Variants in CHIC1 observed in about 807,000 individuals in gnomAD.
CHIC1 encodes cysteine-rich hydrophobic domain-containing protein 1.
A neutral mutation model predicts 18.5 loss-of-function variants in CHIC1; 7 were observed. That is an observed-to-expected ratio of 0.38 (90% CI 0.22 to 0.71). The LOEUF is 0.71. CHIC1 is among the 30% of genes least tolerant of loss of function. The pLI, the probability that CHIC1 is intolerant of heterozygous loss-of-function variation, is 0.49. For synonymous variants in CHIC1, 77 were observed against 73.5 expected (o/e 1.05, Z -0.25); for missense variants, 159 against 176.9 (o/e 0.90, Z 0.57).
At chrX:73,676,985 G>A (rs1269393988) in intron 3 of CHIC1, among the ~76,000 whole-genome samples, 1 of 111,914 alleles carries the variant, frequency 8.9e-6, no homozygotes, top group African/African-American at 3.3e-5. Context: ...GTTGGAGTTT[G>A]CTAGAGTTCC....
intron 3 of CHIC1, among the ~76,000 whole-genome samples, chrX:73,615,574 A>G (rs2057728760): frequency 9.0e-6 from 1 of 111,480 alleles, no homozygotes; most frequent in Admixed American, 9.5e-5. Flanking sequence ...GCCTGACCAT[A>G]GCCTCCTAGG....
chrX:73,674,099 C>T (rs1021313861), intron 3 of CHIC1, among the ~76,000 whole-genome samples: 4 of 111,669 alleles, frequency 3.6e-5, no homozygotes, highest in African/African-American at 1.3e-4. Flanking sequence ...GGGAAGAAGC[C>T]GACTTGATCA....
chrX:73,621,993 T>C (rs1277249142), intron 3 of CHIC1, among the ~76,000 whole-genome samples: 7 of 111,819 alleles, frequency 6.3e-5, no homozygotes, highest in Admixed American at 1.9e-4. Flanking sequence ...TGTGATGGAT[T>C]ACATTTTTTG....
chrX:73,673,755 A>G (rs1481508161), intron 3 of CHIC1, among the ~76,000 whole-genome samples: 7 of 110,999 alleles, frequency 6.3e-5, no homozygotes, highest in South Asian at 3.8e-4. Flanking sequence ...TCTCCTGACT[A>G]ATTGCCCTGG....
Position 73,671,922 on chromosome X carries a change from C to A in CHIC1, c.508-7404C>A, listed in dbSNP as rs946730810. 8.1e-5 allele frequency among the ~76,000 whole-genome samples: 9 copies of A among 110,556 alleles called. No individual in the cohort carries two copies. In the South Asian group the frequency reaches 1.2e-3, roughly 14 times the overall value. ...TCTCCTAATGCTATCCCTCCCCGCT[C>A]CCACACCCCACAACAGTCCCCGGTG... On this transcript the variant is annotated intron_variant, in intron 3 of 5. Coordinates refer to ENST00000373502, the MANE Select transcript of CHIC1 (RefSeq NM_001039840.4).
intron 3 of CHIC1, among the ~76,000 whole-genome samples, chrX:73,644,547 C>T (rs2057877884): frequency 8.9e-6 from 1 of 112,559 alleles, no homozygotes; most frequent in East Asian, 2.8e-4. Context: ...TTCAAGCTTC[C>T]CGGCTGCTTT....
chrX:73,681,026 C>G lies in CHIC1; in HGVS notation c.*21C>G, dbSNP rs761499501. 1 of 1,019,178 alleles carries G rather than the reference C, an allele frequency of 9.8e-7. No individual in the cohort carries two copies. The highest frequency in any genetic ancestry group is 3.4e-5 in the East Asian group (1 of 29,042). 84.0% of individuals were successfully genotyped at this position (1,019,178 alleles called of 1,213,427 possible). On this transcript the variant is annotated 3_prime_UTR_variant, in exon 6 of 6. Coordinates refer to ENST00000373502, the MANE Select transcript of CHIC1 (RefSeq NM_001039840.4). ...ACTGAGGAGTTTTATCCAGTCACTT[C>G]TGTGTTACCTGTCATTTCCTACCCT...
At chrX:73,564,791 G>GTTTTT (rs370930878) in intron 1 of CHIC1, among the ~76,000 whole-genome samples, 32 of 58,358 alleles carry the variant, frequency 5.5e-4, no homozygotes, top group East Asian at 7.5e-4. Flanking sequence ...AACATGTTGA[G>GTTTTT]TTTTTTTTTT....
chrX:73,567,617 A>G (rs1416800078), intron 1 of CHIC1, among the ~76,000 whole-genome samples: 2 of 111,131 alleles, frequency 1.8e-5, no homozygotes, highest in Non-Finnish European at 3.8e-5. Context: ...AGATTAAGAC[A>G]CAAAAAGTAC....
chrX:73,679,636 A>G lies in CHIC1; in HGVS notation c.565-18A>G. On this transcript the variant is annotated intron_variant, in intron 4 of 5. Coordinates refer to ENST00000373502, the MANE Select transcript of CHIC1 (RefSeq NM_001039840.4). ...TTAAGTTAATATAAAAATTCTTAAC[A>G]AGACTATACTTTCTTAGCTTGCTTT... 9.4e-7 allele frequency: 1 copy of G among 1,066,425 alleles called. No homozygotes were observed. Among genetic ancestry groups the G allele is most frequent in the Non-Finnish European group, 1.2e-6 (1 of 804,024 alleles). 87.9% of individuals were successfully genotyped at this position (1,066,425 alleles called of 1,213,427 possible).
chrX:73,622,990 C>T (rs746114028), intron 3 of CHIC1, among the ~76,000 whole-genome samples: 4 of 111,664 alleles, frequency 3.6e-5, no homozygotes, highest in South Asian at 3.7e-4. Context: ...CAAGTAGTTA[C>T]GTGGTTTTGA....
chrX:73,588,338 T>C (rs918595649), intron 3 of CHIC1, among the ~76,000 whole-genome samples: 6 of 111,302 alleles, frequency 5.4e-5, no homozygotes, highest in Middle Eastern at 4.7e-3. Flanking sequence ...GTTTGCATTT[T>C]TGAACATTTT....
chrX:73,640,222 T>C (rs978945050), intron 3 of CHIC1, among the ~76,000 whole-genome samples: 4 of 111,935 alleles, frequency 3.6e-5, no homozygotes, highest in Admixed American at 9.5e-5. Context: ...GCCTAGTTTA[T>C]TGAGGGTTTT....
At position 73,651,938 on chromosome X, in the gene CHIC1, C is replaced by G. The variant is rs755898337; in HGVS notation, c.508-27388C>G. 3.8e-4 allele frequency among the ~76,000 whole-genome samples: 42 copies of G among 111,928 alleles called. 1 individual carries two copies. Among genetic ancestry groups the G allele is most frequent in the Non-Finnish European group, 5.6e-5 (3 of 53,204 alleles). On this transcript the variant is annotated intron_variant, in intron 3 of 5. Coordinates refer to ENST00000373502, the MANE Select transcript of CHIC1 (RefSeq NM_001039840.4). ...AAGAGTGCATATAGCCAAGACAGTT[C>G]TAAGCAAAAAGAACAAAGCTGGAGG...
chrX:73,644,689 G>T (rs927950335), intron 3 of CHIC1, among the ~76,000 whole-genome samples: 3 of 112,823 alleles, frequency 2.7e-5, no homozygotes, highest in African/African-American at 9.7e-5. Context: ...CAAGCCAGGT[G>T]CAGTATATAA....
At chrX:73,641,523 CATT>C (rs1265705964) in intron 3 of CHIC1, among the ~76,000 whole-genome samples, 1 of 110,595 alleles carries the variant, frequency 9.0e-6, no homozygotes, top group Non-Finnish European at 1.9e-5. Context: ...TTTTAAATTT[CATT>C]ATTATTATAC....
chrX:73,669,748 A>T (rs1603350493), intron 3 of CHIC1, among the ~76,000 whole-genome samples: 1 of 112,132 alleles, frequency 8.9e-6, no homozygotes, highest in Non-Finnish European at 1.9e-5. Flanking sequence ...AGCTGAGTCG[A>T]CCAAATGGCA....
intron 3 of CHIC1, among the ~76,000 whole-genome samples, chrX:73,630,779 T>TTG (rs1174168252): frequency 8.9e-6 from 1 of 112,348 alleles, no homozygotes; most frequent in Non-Finnish European, 1.9e-5. Flanking sequence ...TGTTTCCTCC[T>TTG]ATTCAGTTTT....
At chrX:73,677,979 CT>C (rs1319263812) in intron 3 of CHIC1, among the ~76,000 whole-genome samples, 1 of 103,528 alleles carries the variant, frequency 9.7e-6, no homozygotes, top group Non-Finnish European at 2.0e-5. Flanking sequence ...TTATTGTGTC[CT>C]TTTGGAGGTT....
Sources: allele counts gnomAD v4.1 joint callset (sites outside exome capture counted in the v4.1 genomes callset), GRCh38; gene constraint gnomAD v4.1.1; transcripts MANE v1.5; gene names NCBI Gene and HGNC (gene_info 2026-07-23, HGNC 2026-07-21).